Variants in TMEM178B observed in about 807,000 individuals in gnomAD.
TMEM178B encodes transmembrane protein 178B.
Under a neutral mutation model 31.0 loss-of-function variants are expected in TMEM178B, and 5 were observed. The observed-to-expected ratio is 0.16, with a 90% CI of 0.08 to 0.34. The LOEUF is 0.34. Ranked by LOEUF, TMEM178B falls within the 10% of genes least tolerant of loss-of-function variation. TMEM178B has a pLI of 1.00. For synonymous variants in TMEM178B, 164 were observed against 164.0 expected (o/e 1.00, Z 0.00); for missense variants, 275 against 400.3 (o/e 0.69, Z 2.67).
rs189666718 is a variant in TMEM178B at position 141,221,538 on chromosome 7, G to A, written c.496+8834G>A. On this transcript the variant is annotated intron_variant, in intron 2 of 3. Coordinates refer to ENST00000565468, the MANE Select transcript of TMEM178B (RefSeq NM_001195278.2). ...CTTAGCCAAAGGAAGAAAAGCCCCA[G>A]CTTTACAAGAAATTTGGAATAGAAG... 4.9e-3 allele frequency among the ~76,000 whole-genome samples: 740 copies of A among 152,332 alleles called. 2 individuals are homozygous for A. Among genetic ancestry groups the A allele is most frequent in the Middle Eastern group, 0.024 (7 of 294 alleles).
the TMEM178B span, among the ~76,000 whole-genome samples, chr7:141,491,688 C>T: frequency 6.6e-6 from 1 of 152,146 alleles, no homozygotes; most frequent in Non-Finnish European, 1.5e-5. Context: ...GGTAATTTGC[C>T]AAGGTCACAT....
In TMEM178B at chr7:141,074,141, C is replaced by T. The variant is rs1200848980; in HGVS notation, c.-170C>T. On this transcript the variant is annotated 5_prime_UTR_variant, in exon 1 of 4. Transcript: ENST00000565468. This position sits in a 1 kb window ranked among gnomAD's most constrained non-coding sequence, Gnocchi z 5.1. ...TTTTTAGGCCGCCCGCCCCCATCCC[C>T]GCAGTCCCCGGGCCGTGCTCCGGTA... 25 of 994,304 alleles carry T rather than the reference C, an allele frequency of 2.5e-5. No individual in the cohort carries two copies. The highest frequency in any genetic ancestry group is 2.6e-5 in the Non-Finnish European group (19 of 732,522). The allele number at this position is 994,304 out of a possible 1,614,324, so 61.6% of individuals were successfully genotyped here.
intron 2 of TMEM178B, among the ~76,000 whole-genome samples, chr7:141,391,494 C>A (rs1200696376): frequency 6.6e-6 from 1 of 152,150 alleles, no homozygotes; most frequent in Non-Finnish European, 1.5e-5. Flanking sequence ...TTAAACACAC[C>A]ATTGCTGGCT....
intron 2 of TMEM178B, among the ~76,000 whole-genome samples, chr7:141,363,884 T>G (rs1255827954): frequency 1.3e-5 from 2 of 151,188 alleles, no homozygotes; most frequent in Non-Finnish European, 2.9e-5. Flanking sequence ...AGTGAGACCC[T>G]GTTTCTAAAA....
chr7:141,267,545 G>C (rs564252297), intron 2 of TMEM178B, among the ~76,000 whole-genome samples: 87 of 152,232 alleles, frequency 5.7e-4, no homozygotes, highest in African/African-American at 2.0e-3. Context: ...CATCCTCCAG[G>C]GCCCAGGCTT....
At chr7:141,241,327 C>T (rs1315714766) in intron 2 of TMEM178B, among the ~76,000 whole-genome samples, 1 of 151,980 alleles carries the variant, frequency 6.6e-6, no homozygotes, top group Admixed American at 6.6e-5. Context: ...CGCGGTGGCT[C>T]ACGCCTGTAA....
At position 141,344,582 on chromosome 7, in the gene TMEM178B, T is replaced by C. The variant is rs368447743; in HGVS notation, c.497-93026T>C. On this transcript the variant is annotated intron_variant, in intron 2 of 3. Coordinates refer to ENST00000565468, the MANE Select transcript of TMEM178B (RefSeq NM_001195278.2). The surrounding 1 kb of genome is among the most constrained non-coding windows in gnomAD (Gnocchi z 4.1). ...CTCCATTCCTCCCTCCTCCCTTCCTTCCTTCCTTCCTTCCTTCCTTCCTTC... is the reference window on the plus strand; with the variant it reads ...CTCCATTCCTCCCTCCTCCCTTCCTCCCTTCCTTCCTTCCTTCCTTCCTTC... Among the ~76,000 whole-genome samples the C allele has an allele frequency of 1.0e-3, 82 of 80,866 alleles. No homozygotes were observed. The highest frequency in any genetic ancestry group is 7.0e-3 in the Middle Eastern group (1 of 142). The allele number at this position is 80,866 out of a possible 152,430, so 53.1% of individuals were successfully genotyped here. A position where few individuals can be genotyped will look rare whatever the true frequency, so the allele number is the denominator to read the frequency against.
the TMEM178B span, among the ~76,000 whole-genome samples, chr7:141,505,218 A>G: frequency 7.2e-5 from 11 of 152,230 alleles, no homozygotes; most frequent in African/African-American, 2.7e-4. Context: ...CTCCCATTTC[A>G]TCAGTGGCAG....
the TMEM178B span, among the ~76,000 whole-genome samples, chr7:141,511,237 C>A: frequency 9.8e-6 from 1 of 102,312 alleles, no homozygotes; most frequent in African/African-American, 3.7e-5. Flanking sequence ...ATATTAAGTG[C>A]TCTGTATACT....
intron 2 of TMEM178B, among the ~76,000 whole-genome samples, chr7:141,317,123 T>C (rs558162437): frequency 3.4e-4 from 52 of 152,302 alleles, no homozygotes; most frequent in South Asian, 1.5e-3. Flanking sequence ...CCTACATCTG[T>C]CTTGAAACTT....
intron 1 of TMEM178B, among the ~76,000 whole-genome samples, chr7:141,146,039 G>C (rs143645178): frequency 6.6e-6 from 1 of 152,336 alleles, no homozygotes; most frequent in Non-Finnish European, 1.5e-5. Context: ...GCTGAGCACT[G>C]TGTTCAATAC....
chr7:141,362,032 A>C (rs1799925961), intron 2 of TMEM178B, among the ~76,000 whole-genome samples: 1 of 152,256 alleles, frequency 6.6e-6, no homozygotes, highest in Admixed American at 6.5e-5. Flanking sequence ...AAACATCTTT[A>C]GTGCGTGGCA....
intron 2 of TMEM178B, among the ~76,000 whole-genome samples, chr7:141,260,661 A>T (rs192992394): frequency 6.6e-6 from 1 of 152,248 alleles, no homozygotes; most frequent in Non-Finnish European, 1.5e-5. Flanking sequence ...AACATGGTGC[A>T]TCTTCTAGAA....
At chr7:141,241,574 G>C (rs1028968163) in intron 2 of TMEM178B, among the ~76,000 whole-genome samples, 1 of 134,754 alleles carries the variant, frequency 7.4e-6, no homozygotes, top group South Asian at 2.3e-4. Context: ...TGGGGAACAA[G>C]AGCGGGACTT....
intron 2 of TMEM178B, among the ~76,000 whole-genome samples, chr7:141,347,641 C>G (rs1229120742): frequency 2.0e-5 from 3 of 152,090 alleles, no homozygotes; most frequent in Admixed American, 6.5e-5. Flanking sequence ...GCTCATGGCC[C>G]TCTTCTGGAT....
At chr7:141,432,174 T>TTTTTTTTTTTTTTTTA (rs1801446182) in intron 2 of TMEM178B, among the ~76,000 whole-genome samples, 1 of 76,044 alleles carries the variant, frequency 1.3e-5, no homozygotes. Flanking sequence ...TTTTTTTTTT[T>TTTTTTTTTTTTTTTTA]GAGACGGAGT....
At chr7:141,082,312 GCT>G (rs1195705812) in intron 1 of TMEM178B, among the ~76,000 whole-genome samples, 1 of 152,150 alleles carries the variant, frequency 6.6e-6, no homozygotes, top group Non-Finnish European at 1.5e-5. Flanking sequence ...ACCTCCACAG[GCT>G]CTTTCTTTCT....
intron 3 of TMEM178B, among the ~76,000 whole-genome samples, chr7:141,458,195 C>G (rs1347864484): frequency 6.6e-6 from 1 of 152,234 alleles, no homozygotes; most frequent in Admixed American, 6.5e-5. Context: ...TCTCAGCTCA[C>G]TGCAACCTTC....
intron 2 of TMEM178B, among the ~76,000 whole-genome samples, chr7:141,370,501 C>T (rs559463058): frequency 1.3e-5 from 2 of 152,168 alleles, no homozygotes; most frequent in African/African-American, 2.4e-5. Context: ...GGTAAAACAA[C>T]GTGTGATAAA....
Sources: allele counts gnomAD v4.1 joint callset (sites outside exome capture counted in the v4.1 genomes callset), GRCh38; gene constraint gnomAD v4.1.1; non-coding constraint Gnocchi (gnomAD v3.1); transcripts MANE v1.5; gene names NCBI Gene and HGNC (gene_info 2026-07-23, HGNC 2026-07-21).